FBXL17: variants seen among roughly 807,000 people sequenced by gnomAD.
The protein encoded by FBXL17 is F-box/LRR-repeat protein 17.
A neutral mutation model predicts 66.2 loss-of-function variants in FBXL17; 22 were observed. That is an observed-to-expected ratio of 0.33 (90% CI 0.24 to 0.47). The LOEUF (loss-of-function observed/expected upper bound fraction) is 0.47. Among genes scored for constraint, FBXL17 ranks in the 20% least tolerant of loss-of-function variants. FBXL17 has a pLI of 1.00. For synonymous variants in FBXL17, 474 were observed against 400.5 expected (o/e 1.18, Z -2.19); for missense variants, 878 against 948.2 (o/e 0.93, Z 0.97).
intron 5 of FBXL17, among the ~76,000 whole-genome samples, chr5:108,210,912 G>T (rs2150060626): frequency 6.6e-6 from 1 of 152,250 alleles, no homozygotes; most frequent in African/African-American, 2.4e-5. Context: ...ACAGTGGGGT[G>T]TTAAAGTCTC....
intron 4 of FBXL17, among the ~76,000 whole-genome samples, chr5:108,246,650 C>T (rs1157471610): frequency 2.0e-5 from 3 of 152,280 alleles, no homozygotes; most frequent in South Asian, 2.1e-4. Context: ...CTAATAATCT[C>T]GTAAACAGAA....
chr5:107,992,302 C>A (rs1465763662), intron 7 of FBXL17, among the ~76,000 whole-genome samples: 2 of 152,050 alleles, frequency 1.3e-5, no homozygotes, highest in African/African-American at 4.8e-5. Flanking sequence ...TATCACTAAT[C>A]AAATACCCTG....
chr5:108,154,086 G>A (rs1238539826), intron 6 of FBXL17, among the ~76,000 whole-genome samples: 1 of 151,966 alleles, frequency 6.6e-6, no homozygotes, highest in Non-Finnish European at 1.5e-5. Context: ...GGGACATCAG[G>A]TAAATGGTGG....
chr5:108,235,977 G>C (rs1755584041), intron 4 of FBXL17, among the ~76,000 whole-genome samples: 1 of 152,042 alleles, frequency 6.6e-6, no homozygotes, highest in Non-Finnish European at 1.5e-5. Flanking sequence ...TAGATAAATG[G>C]CTTCACAAAG....
chr5:108,313,580 G>T (rs1759223227), intron 4 of FBXL17, among the ~76,000 whole-genome samples: 1 of 151,932 alleles, frequency 6.6e-6, no homozygotes, highest in African/African-American at 2.4e-5. Context: ...TTGGATAGTG[G>T]CAAAAGAAGA....
intron 4 of FBXL17, among the ~76,000 whole-genome samples, chr5:108,241,177 T>C (rs1301311083): frequency 1.3e-5 from 2 of 152,216 alleles, no homozygotes; most frequent in Admixed American, 6.5e-5. Flanking sequence ...GATCAATCCT[T>C]GTGAGACAGA....
chr5:108,368,290 T>C (rs916499562), intron 1 of FBXL17, among the ~76,000 whole-genome samples: 10 of 152,164 alleles, frequency 6.6e-5, no homozygotes, highest in African/African-American at 2.2e-4. Flanking sequence ...CTGTTTACCT[T>C]TCTGGGAAGG....
At chr5:108,228,522 C>T (rs979966583) in intron 4 of FBXL17, among the ~76,000 whole-genome samples, 3 of 152,118 alleles carry the variant, frequency 2.0e-5, no homozygotes, top group African/African-American at 7.2e-5. Flanking sequence ...ATTACAGTAC[C>T]TACCCCACAG....
chr5:108,104,991 G>A (rs564735885), intron 6 of FBXL17, among the ~76,000 whole-genome samples: 42 of 152,110 alleles, frequency 2.8e-4, no homozygotes, highest in African/African-American at 6.3e-4. Flanking sequence ...ACAGGTGCCC[G>A]CCACGATGCC....
At chr5:108,029,833 A>C (rs575153034) in intron 6 of FBXL17, among the ~76,000 whole-genome samples, 20 of 152,094 alleles carry the variant, frequency 1.3e-4, no homozygotes, top group African/African-American at 4.8e-4. Flanking sequence ...TTAATGTTCA[A>C]GTAAATGCTA....
intron 4 of FBXL17, among the ~76,000 whole-genome samples, chr5:108,339,545 C>CA (rs1247629410): frequency 7.0e-6 from 1 of 142,940 alleles, no homozygotes; most frequent in Admixed American, 7.0e-5. Flanking sequence ...AACAGGTAGT[C>CA]AAAAAAGAAA....
At chr5:108,037,790 T>C (rs1430270765) in intron 6 of FBXL17, among the ~76,000 whole-genome samples, 1 of 152,206 alleles carries the variant, frequency 6.6e-6, no homozygotes, top group Admixed American at 6.5e-5. Flanking sequence ...CTTGGATACA[T>C]TGGTACATGT....
At chr5:108,292,752 A>G (rs1758167214) in intron 4 of FBXL17, among the ~76,000 whole-genome samples, 1 of 152,196 alleles carries the variant, frequency 6.6e-6, no homozygotes, top group Non-Finnish European at 1.5e-5. Flanking sequence ...ATAATATTTA[A>G]TTGGGAAATA....
chr5:108,261,664 C>A (rs1278171253), intron 4 of FBXL17, among the ~76,000 whole-genome samples: 4 of 151,230 alleles, frequency 2.6e-5, no homozygotes. Flanking sequence ...AAATAAAAAA[C>A]AAAATCAGGA....
At chr5:108,225,758 T>C (rs1177626739) in intron 4 of FBXL17, among the ~76,000 whole-genome samples, 1 of 152,202 alleles carries the variant, frequency 6.6e-6, no homozygotes, top group Non-Finnish European at 1.5e-5. Context: ...TTCCACTCTC[T>C]CTTGATCTCA....
intron 4 of FBXL17, among the ~76,000 whole-genome samples, chr5:108,261,615 A>G (rs932773429): frequency 4.6e-5 from 7 of 152,194 alleles, no homozygotes; most frequent in African/African-American, 7.2e-5. Context: ...AGGTTTGCCC[A>G]TAAAGACCCA....
At chr5:108,348,938 G>A (rs142520068) in intron 3 of FBXL17, among the ~76,000 whole-genome samples, 6 of 152,184 alleles carry the variant, frequency 3.9e-5, no homozygotes, top group Non-Finnish European at 8.8e-5. Flanking sequence ...CTGAGTAGCT[G>A]GGAGTACAGG....
intron 6 of FBXL17, among the ~76,000 whole-genome samples, chr5:108,158,507 G>GTC (rs1187281499): frequency 8.0e-5 from 8 of 100,624 alleles, no homozygotes; most frequent in African/African-American, 2.8e-4. Flanking sequence ...GTGTGTGTGT[G>GTC]TCTGTGTGTG....
chr5:107,940,210 G>A (rs537890525), intron 7 of FBXL17, among the ~76,000 whole-genome samples: 27 of 152,036 alleles, frequency 1.8e-4, no homozygotes, highest in South Asian at 8.3e-4. Flanking sequence ...ACCTACCTAC[G>A]GCTACATATA....
Sources: gnomAD v4.1 joint callset for allele counts (sites outside exome capture counted in the v4.1 genomes callset) on GRCh38, gnomAD v4.1.1 for gene constraint, MANE v1.5 for transcripts, NCBI Gene and HGNC (gene_info 2026-07-23, HGNC 2026-07-21) for gene names.